The following YEATS4 variants were observed in gnomAD, a reference collection of about 807,000 sequenced individuals.
YEATS4 encodes YEATS domain containing 4, also known as YEATS domain-containing protein 4.
A neutral mutation model predicts 30.1 loss-of-function variants in YEATS4; 17 were observed. The observed-to-expected ratio is 0.56, with a 90% CI of 0.39 to 0.85. The LOEUF (loss-of-function observed/expected upper bound fraction) is 0.85, where lower values mean the gene tolerates loss of function less well. Among genes scored for constraint, YEATS4 ranks in the 40% least tolerant of loss-of-function variants. The probability of loss-of-function intolerance (pLI) is 0.00; values close to 1 mark genes in which losing one functional copy is unlikely to be tolerated. For synonymous variants in YEATS4, 85 were observed against 87.5 expected (o/e 0.97, Z 0.16); for missense variants, 142 against 268.3 (o/e 0.53, Z 3.29).
At chr12:69,401,881 G>A in the YEATS4 span, among the ~76,000 whole-genome samples, 1 of 152,020 alleles carries the variant, frequency 6.6e-6, no homozygotes, top group Non-Finnish European at 1.5e-5. Context: ...AACTACCTTA[G>A]CATCTTGCTT....
At chr12:69,383,877 A>C (rs1876172886) in intron 6 of YEATS4, among the ~76,000 whole-genome samples, 1 of 152,158 alleles carries the variant, frequency 6.6e-6, no homozygotes, top group South Asian at 2.1e-4. Context: ...CGGGGTCAAG[A>C]GGGTATTGTT....
chr12:69,389,613 AAGTGAT>A (rs1868292745), intron 6 of YEATS4, among the ~76,000 whole-genome samples: 1 of 86,320 alleles, frequency 1.2e-5, no homozygotes, highest in African/African-American at 6.6e-5. Context: ...TCCCAAGTTC[AAGTGAT>A]TCTCATGCCT....
downstream of YEATS4, among the ~76,000 whole-genome samples, chr12:69,392,183 C>T (rs1868321177): frequency 6.6e-6 from 1 of 152,170 alleles, no homozygotes; most frequent in Non-Finnish European, 1.5e-5. Context: ...AAGTGTATCG[C>T]ATTTCACTTC....
chr12:69,372,001 C>G (rs1230161670), intron 6 of YEATS4, among the ~76,000 whole-genome samples: 1 of 152,058 alleles, frequency 6.6e-6, no homozygotes, highest in African/African-American at 2.4e-5. Context: ...TGAAAAACAG[C>G]AAGAAGTCCA....
the YEATS4 span, among the ~76,000 whole-genome samples, chr12:69,396,213 T>G: frequency 1.3e-5 from 2 of 152,234 alleles, no homozygotes; most frequent in Non-Finnish European, 2.9e-5. Flanking sequence ...GTCTGAAAAT[T>G]TCCAGTCTAC....
At chr12:69,366,012 A>G in intron 4 of YEATS4, 128 bp downstream of exon 4, 1 of 659,720 alleles carries the variant, frequency 1.5e-6, no homozygotes, top group East Asian at 3.4e-5. Context: ...GTATCTTGCC[A>G]TGAGTTAAGT....
chr12:69,383,316 A>C (rs569287522), intron 6 of YEATS4, among the ~76,000 whole-genome samples: 1 of 152,302 alleles, frequency 6.6e-6, no homozygotes, highest in South Asian at 2.1e-4. Context: ...TCTGTAAGAC[A>C]TGTAAGTTGA....
the YEATS4 span, among the ~76,000 whole-genome samples, chr12:69,415,108 C>A: frequency 1.3e-5 from 2 of 152,130 alleles, no homozygotes; most frequent in African/African-American, 4.8e-5. Context: ...ACATAAGGAG[C>A]AGCACTTTGA....
the YEATS4 span, among the ~76,000 whole-genome samples, chr12:69,409,752 T>C: frequency 6.6e-6 from 1 of 152,160 alleles, no homozygotes; most frequent in African/African-American, 2.4e-5. Flanking sequence ...AGAAAATAAC[T>C]GTGTTTGGAC....
At chr12:69,388,746 A>C (rs2121074761) in intron 6 of YEATS4, among the ~76,000 whole-genome samples, 1 of 152,344 alleles carries the variant, frequency 6.6e-6, no homozygotes, top group African/African-American at 2.4e-5. Flanking sequence ...AATAGTTGAT[A>C]GGGCTTTTTC....
intron 6 of YEATS4, among the ~76,000 whole-genome samples, chr12:69,380,871 AG>A (rs1876049466): frequency 6.6e-6 from 1 of 152,178 alleles, no homozygotes; most frequent in Non-Finnish European, 1.5e-5. Context: ...AAAACCAGCA[AG>A]TTTTTATTAG....
intron 1 of YEATS4, among the ~76,000 whole-genome samples, chr12:69,360,951 A>T (rs112043105): frequency 3.3e-5 from 5 of 151,764 alleles, no homozygotes; most frequent in African/African-American, 1.2e-4. Flanking sequence ...TAATCCCAGC[A>T]CTTTGGAAGG....
chr12:69,415,021 T>C, the YEATS4 span, among the ~76,000 whole-genome samples: 4 of 152,202 alleles, frequency 2.6e-5, no homozygotes, highest in African/African-American at 9.7e-5. Context: ...GCAGGATGCA[T>C]GCAGATGTTC....
At chr12:69,375,847 C>T (rs552311567) in intron 6 of YEATS4, among the ~76,000 whole-genome samples, 55 of 151,156 alleles carry the variant, frequency 3.6e-4, no homozygotes, top group Non-Finnish European at 7.5e-4. Flanking sequence ...GCCGAGATGG[C>T]GGCAGTACAG....
intron 6 of YEATS4, 23 bp downstream of exon 6, chr12:69,370,998 T>G: frequency 7.5e-6 from 12 of 1,593,816 alleles, no homozygotes; most frequent in Non-Finnish European, 1.0e-5. Context: ...CATTCATAAT[T>G]CTGAAAAATA....
chr12:69,360,269 G>A (rs1213193448), intron 1 of YEATS4, among the ~76,000 whole-genome samples: 1 of 152,204 alleles, frequency 6.6e-6, no homozygotes, highest in Non-Finnish European at 1.5e-5. Context: ...GGTGGCTTGG[G>A]GAAACCCGGA....
chr12:69,365,931 A>G, intron 4 of YEATS4, 47 bp downstream of exon 4: 2 of 1,349,898 alleles, frequency 1.5e-6, no homozygotes, highest in Non-Finnish European at 2.1e-6. Context: ...TTCTTAGTAA[A>G]TGTGAACATG....
chr12:69,376,104 C>T (rs998812521), intron 6 of YEATS4, among the ~76,000 whole-genome samples: 3 of 152,036 alleles, frequency 2.0e-5, no homozygotes, highest in African/African-American at 7.2e-5. Flanking sequence ...TGGTGGCTCA[C>T]GCCTGTAATC....
At chr12:69,386,875 T>C (rs1868258450) in intron 6 of YEATS4, among the ~76,000 whole-genome samples, 1 of 152,138 alleles carries the variant, frequency 6.6e-6, no homozygotes, top group South Asian at 2.1e-4. Flanking sequence ...TATACATATA[T>C]ACCTATGATA....
Sources: allele counts gnomAD v4.1 joint callset (sites outside exome capture counted in the v4.1 genomes callset), GRCh38; gene constraint gnomAD v4.1.1; transcripts MANE v1.5; gene names NCBI Gene and HGNC (gene_info 2026-07-23, HGNC 2026-07-21).